CWC22: variants seen among roughly 807,000 people sequenced by gnomAD.
CWC22 encodes the protein CWC22 spliceosome associated protein.
In CWC22, 53 loss-of-function variants were observed where a neutral mutation model predicts 117.2. The ratio of observed to expected loss-of-function variants is 0.45; its 90% CI spans 0.36 to 0.57. CWC22 has a LOEUF of 0.57. Ranked by LOEUF, CWC22 falls within the 20% of genes least tolerant of loss-of-function variation. The pLI is 0.00. For missense variants in CWC22, 980 were observed against 1,068.8 expected (o/e 0.92, Z 1.16); for synonymous variants, 360 against 355.6 (o/e 1.01, Z -0.14).
intron 16 of CWC22, among the ~76,000 whole-genome samples, chr2:179,953,398 TTC>T (rs910229526): frequency 3.3e-5 from 5 of 152,120 alleles, no homozygotes; most frequent in Admixed American, 2.0e-4. Context: ...TTTCTCATCC[TTC>T]TCTCTTTCTT....
intron 4 of CWC22, among the ~76,000 whole-genome samples, chr2:179,985,052 A>T (rs1687383934): frequency 6.6e-6 from 1 of 152,066 alleles, no homozygotes; most frequent in African/African-American, 2.4e-5. Context: ...ACATGTTATC[A>T]TCCTCATCTT....
At chr2:179,989,582 C>G (rs1301594988) in intron 2 of CWC22, among the ~76,000 whole-genome samples, 1 of 152,126 alleles carries the variant, frequency 6.6e-6, no homozygotes, top group Non-Finnish European at 1.5e-5. Context: ...GGTATAAGCA[C>G]TATTCCAAAT....
At chr2:179,991,774 T>A (rs1687573231) in intron 2 of CWC22, among the ~76,000 whole-genome samples, 1 of 152,154 alleles carries the variant, frequency 6.6e-6, no homozygotes. Context: ...AGGTCCTCAA[T>A]AAATTAACTG....
intron 19 of CWC22, 41 bp from the exon 20 acceptor site, chr2:179,945,756 T>C: frequency 8.3e-7 from 1 of 1,199,144 alleles, no homozygotes; most frequent in Non-Finnish European, 1.2e-6. Flanking sequence ...TTTATTTCAA[T>C]CTTAATTTCA....
chr2:179,990,420 T>C (rs554131473), intron 2 of CWC22, among the ~76,000 whole-genome samples: 2 of 152,220 alleles, frequency 1.3e-5, no homozygotes, highest in South Asian at 4.1e-4. Flanking sequence ...TTCTGAAAGA[T>C]ACAATAGATA....
chr2:179,956,819 AAC>A (rs1304717801), intron 14 of CWC22, among the ~76,000 whole-genome samples: 3 of 151,928 alleles, frequency 2.0e-5, no homozygotes, highest in East Asian at 1.9e-4. Flanking sequence ...TTTATAATAT[AAC>A]AGTTAATCAG....
At chr2:179,978,864 ACC>A (rs1687216837) in intron 5 of CWC22, among the ~76,000 whole-genome samples, 1 of 95,596 alleles carries the variant, frequency 1.0e-5, no homozygotes, top group Non-Finnish European at 2.1e-5. Context: ...GGGCTGAATT[ACC>A]TACCATTCAG....
chr2:180,005,729 C>CT (rs1687954468), intron 1 of CWC22, among the ~76,000 whole-genome samples: 1 of 152,198 alleles, frequency 6.6e-6, no homozygotes, highest in South Asian at 2.1e-4. Flanking sequence ...AACGCTAACG[C>CT]TGTGCTCAGT....
At chr2:179,974,727 T>G (rs560921433) in intron 6 of CWC22, among the ~76,000 whole-genome samples, 2 of 152,278 alleles carry the variant, frequency 1.3e-5, no homozygotes, top group South Asian at 4.1e-4. Context: ...TAAAACTTGC[T>G]GCTCCTACTT....
intron 11 of CWC22, among the ~76,000 whole-genome samples, chr2:179,967,848 G>A (rs1284441500): frequency 6.6e-6 from 1 of 151,898 alleles, no homozygotes; most frequent in Non-Finnish European, 1.5e-5. Context: ...TGAAAAAAAT[G>A]GCCAACTAAC....
At position 179,999,357 on chromosome 2, in the gene CWC22, C is replaced by T. The variant is rs1687788829; in HGVS notation, c.-113-5903G>A. 2.0e-5 allele frequency among the ~76,000 whole-genome samples: 3 copies of T among 152,078 alleles called. No homozygotes were observed. In the South Asian group the frequency reaches 6.2e-4, roughly 31 times the overall value. ...CTTTCCCCTTCTCACAAGAAAGCAA[C>T]TCAACAAAACCACACCTGTTCTCCC... On this transcript the variant is annotated intron_variant, in intron 1 of 19. Coordinates refer to ENST00000410053, the MANE Select transcript of CWC22 (RefSeq NM_020943.3).
chr2:179,982,932 T>C (rs186829517), intron 4 of CWC22, among the ~76,000 whole-genome samples: 1 of 152,284 alleles, frequency 6.6e-6, no homozygotes. Flanking sequence ...TAAATAAAAG[T>C]AAATTTCATA....
chr2:179,964,620 CT>C lies in CWC22; in HGVS notation c.1323del (p.Val442Ter). On this transcript the variant is annotated frameshift_variant, in exon 13 of 20. Transcript: ENST00000410053. LOFTEE classifies it high-confidence loss of function. ...ATTTCTGTTTTGTCATGAATAGTTA[CT>C]TTTTGTCCTGAAAGAAACATAACAA... ...EEGEEDEEGQ[K>X]VTIHDKTEIN... 1 of 1,530,194 alleles carries C rather than the reference CT, an allele frequency of 6.5e-7. No homozygotes were observed. Among genetic ancestry groups the C allele is most frequent in the African/African-American group, 1.4e-5 (1 of 73,074 alleles). 94.8% of individuals were successfully genotyped at this position (1,530,194 alleles called of 1,614,324 possible).
In CWC22 at chr2:179,945,831, A is replaced by C. The variant is rs554820222; in HGVS notation, c.2141-116T>G. 2.2e-4 allele frequency: 140 copies of C among 633,522 alleles called. No homozygotes were observed. In the South Asian group the frequency reaches 3.0e-3, roughly 14 times the overall value. The allele number at this position is 633,522 out of a possible 1,614,324, so 39.2% of individuals were successfully genotyped here. A position where few individuals can be genotyped will look rare whatever the true frequency, so the allele number is the denominator to read the frequency against. On this transcript the variant is annotated intron_variant, in intron 19 of 19. Coordinates refer to ENST00000410053, the MANE Select transcript of CWC22 (RefSeq NM_020943.3). Reference sequence around the variant, plus strand: ...ACTAACTCAGATAAACTAGGTGCAAAGCCAAATTGATTGAATAGAAAGTCT... The same window carrying C: ...ACTAACTCAGATAAACTAGGTGCAACGCCAAATTGATTGAATAGAAAGTCT...
intron 13 of CWC22, among the ~76,000 whole-genome samples, chr2:179,962,053 C>T (rs1244650386): frequency 1.3e-5 from 2 of 151,956 alleles, no homozygotes; most frequent in Non-Finnish European, 2.9e-5. Flanking sequence ...GTCCATCTCC[C>T]ACTGATGTTA....
chr2:179,986,700 C>T lies in CWC22; in HGVS notation c.201G>A (p.Glu67=). The stretch of plus-strand genomic sequence containing the variant: ...TAGAAATTCCCAACACTAACCGTGA[C>T]TCCATGCTACTATCATAAGAACGTC... ...RRGRSYDSSM[E]SRNRDREKRR... Residue 67 remains glutamate (E), a synonymous_variant, in exon 4 of 20, where the codon GAG becomes GAA. Coordinates refer to ENST00000410053, the MANE Select transcript of CWC22 (RefSeq NM_020943.3). 1 of 1,563,950 alleles carries T rather than the reference C, an allele frequency of 6.4e-7. No individual in the cohort carries two copies. Among genetic ancestry groups the T allele is most frequent in the Non-Finnish European group, 8.8e-7 (1 of 1,138,316 alleles).
intron 13 of CWC22, 58 bp downstream of exon 13, chr2:179,964,489 T>A: frequency 1.2e-6 from 1 of 869,276 alleles, no homozygotes; most frequent in Non-Finnish European, 1.8e-6. Flanking sequence ...ATCCCTGATC[T>A]CTTTACCCAT....
rs758181497 is a variant in CWC22 at position 179,950,749 on chromosome 2, T to A, written c.1920-17A>T. ...AGTTCATCCCTAATTTAAAATATAA[T>A]CTGTTAGATTCTATTTCAAAGACAA... On this transcript the variant is annotated splice_polypyrimidine_tract_variant and intron_variant, in intron 18 of 19. Coordinates refer to ENST00000410053, the MANE Select transcript of CWC22 (RefSeq NM_020943.3). 6.2e-7 allele frequency: 1 copy of A among 1,606,376 alleles called. No individual in the cohort carries two copies. Among genetic ancestry groups the A allele is most frequent in the Non-Finnish European group, 8.5e-7 (1 of 1,173,528 alleles).
intron 5 of CWC22, among the ~76,000 whole-genome samples, chr2:179,978,848 A>T (rs1349632204): frequency 1.4e-5 from 2 of 147,092 alleles, no homozygotes; most frequent in East Asian, 4.4e-4. Flanking sequence ...GTCACATGAA[A>T]TCATGGGGCT....
Sources: allele counts gnomAD v4.1 joint callset (sites outside exome capture counted in the v4.1 genomes callset), GRCh38; gene constraint gnomAD v4.1.1; transcripts MANE v1.5; gene names NCBI Gene and HGNC (gene_info 2026-07-23, HGNC 2026-07-21).